The following CNTNAP2 variants were observed in gnomAD, a reference collection of about 807,000 sequenced individuals.
The protein encoded by CNTNAP2 is contactin-associated protein-like 2.
In CNTNAP2, 98 loss-of-function variants were observed where a neutral mutation model predicts 155.2. That is an observed-to-expected ratio of 0.63 (90% CI 0.54 to 0.75). The LOEUF (loss-of-function observed/expected upper bound fraction) is 0.75, where lower values mean the gene tolerates loss of function less well. Ranked by LOEUF, CNTNAP2 falls within the 30% of genes least tolerant of loss-of-function variation. The pLI is 0.00. For synonymous variants in CNTNAP2, 651 were observed against 631.2 expected (o/e 1.03, Z -0.47); for missense variants, 1,727 against 1,688.1 (o/e 1.02, Z -0.40).
intron 1 of CNTNAP2, among the ~76,000 whole-genome samples, chr7:146,727,025 G>C (rs750744844): frequency 5.9e-5 from 9 of 151,486 alleles, no homozygotes; most frequent in Non-Finnish European, 1.0e-4. Context: ...ATTGATTTTT[G>C]CTTTTTTTTC....
intron 9 of CNTNAP2, among the ~76,000 whole-genome samples, chr7:147,340,583 T>C (rs1018785340): frequency 7.2e-5 from 11 of 152,114 alleles, no homozygotes; most frequent in African/African-American, 2.4e-4. Context: ...CTTGGAGAAG[T>C]AGGAGCTCCT....
chr7:147,835,251 G>A (rs1057438535), intron 13 of CNTNAP2, among the ~76,000 whole-genome samples: 33 of 152,162 alleles, frequency 2.2e-4, no homozygotes, highest in Admixed American at 5.2e-4. Context: ...AGGACAAAAC[G>A]TCAGCATGGT....
At chr7:147,005,245 A>G (rs1400228241) in intron 3 of CNTNAP2, among the ~76,000 whole-genome samples, 2 of 152,070 alleles carry the variant, frequency 1.3e-5, no homozygotes, top group Non-Finnish European at 2.9e-5. Flanking sequence ...ATAACTTTAA[A>G]AAGGGAAATG....
At position 148,344,355 on chromosome 7, in the gene CNTNAP2, G is replaced by A. The variant is rs147324235; in HGVS notation, c.3476-39294G>A. Among the ~76,000 whole-genome samples the A allele has an allele frequency of 3.7e-3, 557 of 152,218 alleles. 1 individual carries two copies. Among genetic ancestry groups the A allele is most frequent in the Non-Finnish European group, 5.7e-3 (391 of 68,002 alleles). On this transcript the variant is annotated intron_variant, in intron 21 of 23. Transcript: ENST00000361727. ...TCGATTGATGAATTCATGTGTGTCC[G>A]GGTCTCTGGGGTACACTGTGTGCTC...
At chr7:148,027,989 G>A (rs1802403837) in intron 15 of CNTNAP2, among the ~76,000 whole-genome samples, 1 of 152,024 alleles carries the variant, frequency 6.6e-6, no homozygotes, top group African/African-American at 2.4e-5. Context: ...ATCAAATCGA[G>A]GCATGTAGAG....
At chr7:146,977,121 T>C (rs1357034934) in intron 3 of CNTNAP2, among the ~76,000 whole-genome samples, 1 of 151,988 alleles carries the variant, frequency 6.6e-6, no homozygotes, top group Admixed American at 6.6e-5. Flanking sequence ...AGAACATAAA[T>C]GAAAATACAT....
chr7:147,496,265 A>G (rs1798706563), intron 11 of CNTNAP2, among the ~76,000 whole-genome samples: 1 of 152,208 alleles, frequency 6.6e-6, no homozygotes, highest in South Asian at 2.1e-4. Context: ...CCATGAAACC[A>G]GTCTCTGGTG....
intron 1 of CNTNAP2, among the ~76,000 whole-genome samples, chr7:146,421,251 T>C (rs572809191): frequency 4.9e-4 from 74 of 152,154 alleles, no homozygotes; most frequent in Non-Finnish European, 9.1e-4. Flanking sequence ...GGTATTGACA[T>C]AGAATTAGAT....
At chr7:147,091,898 G>A (rs1455968548) in intron 4 of CNTNAP2, among the ~76,000 whole-genome samples, 1 of 150,740 alleles carries the variant, frequency 6.6e-6, no homozygotes, top group Non-Finnish European at 1.5e-5. Flanking sequence ...GAGCCACCGC[G>A]CCAGGCCATT....
rs563030564 is a variant in CNTNAP2, at chr7:146,194,768, AATGATTC to A, written c.97+77796_97+77802del. 2.0e-3 allele frequency among the ~76,000 whole-genome samples: 310 copies of A among 152,334 alleles called. 1 individual carries two copies. Among genetic ancestry groups the A allele is most frequent in the African/African-American group, 7.0e-3 (291 of 41,572 alleles). ...TGAAGTTCATGATATTTTATCCTTT[AATGATTC>A]TAAAATATGCTTGCAACCACAATCT... On this transcript the variant is annotated intron_variant, in intron 1 of 23. Coordinates refer to ENST00000361727, the MANE Select transcript of CNTNAP2 (RefSeq NM_014141.6).
intron 1 of CNTNAP2, among the ~76,000 whole-genome samples, chr7:146,525,109 C>T (rs144270553): frequency 9.3e-5 from 14 of 151,198 alleles, no homozygotes; most frequent in African/African-American, 1.5e-4. Context: ...GAAAAAAAAA[C>T]GGAATAAGTT....
At chr7:147,094,952 T>A (rs1800495668) in intron 4 of CNTNAP2, among the ~76,000 whole-genome samples, 1 of 152,140 alleles carries the variant, frequency 6.6e-6, no homozygotes, top group Admixed American at 6.5e-5. Flanking sequence ...GGGTCCACTT[T>A]CTGGTTCTTA....
At chr7:146,117,020 C>G (rs1050674953) in intron 1 of CNTNAP2, 47 bp downstream of exon 1, 11 of 1,490,228 alleles carry the variant, frequency 7.4e-6, no homozygotes, top group Admixed American at 3.9e-5. Context: ...TTCAGTGCGG[C>G]ATTGATGTTT....
At chr7:147,162,801 C>G (rs891299520) in intron 8 of CNTNAP2, among the ~76,000 whole-genome samples, 7 of 152,116 alleles carry the variant, frequency 4.6e-5, no homozygotes, top group Non-Finnish European at 7.4e-5. Flanking sequence ...AAAGAAGAGC[C>G]ACCCACTCTC....
chr7:147,972,913 T>C (rs1801358582), intron 14 of CNTNAP2, among the ~76,000 whole-genome samples: 1 of 152,046 alleles, frequency 6.6e-6, no homozygotes, highest in Non-Finnish European at 1.5e-5. Context: ...TTGTGGAGGC[T>C]AGGCACAGTG....
At chr7:146,446,799 C>T (rs1022858294) in intron 1 of CNTNAP2, among the ~76,000 whole-genome samples, 2 of 151,982 alleles carry the variant, frequency 1.3e-5, no homozygotes, top group Admixed American at 1.3e-4. Context: ...TGAGTCCTGC[C>T]CTACCTCAAC....
At chr7:146,479,951 A>T (rs1283918641) in intron 1 of CNTNAP2, among the ~76,000 whole-genome samples, 1 of 151,822 alleles carries the variant, frequency 6.6e-6, no homozygotes. Context: ...CGCCCGGCTA[A>T]TTTTCGTATT....
At position 147,885,663 on chromosome 7, in the gene CNTNAP2, T is replaced by A. The variant is rs142305660; in HGVS notation, c.2099-17902T>A. Reference sequence around the variant, plus strand: ...TTATATCACCTTAACCTCTTAAAGCTTGATCACCTGAAACATGAGTCTGCC... The same window carrying A: ...TTATATCACCTTAACCTCTTAAAGCATGATCACCTGAAACATGAGTCTGCC... On this transcript the variant is annotated intron_variant, in intron 13 of 23. Transcript: ENST00000361727. Among the ~76,000 whole-genome samples the A allele has an allele frequency of 7.0e-4, 106 of 152,292 alleles. 1 individual carries two copies. Among genetic ancestry groups the A allele is most frequent in the East Asian group, 7.0e-3 (36 of 5,178 alleles).
intron 1 of CNTNAP2, among the ~76,000 whole-genome samples, chr7:146,296,063 T>A (rs1161452441): frequency 1.3e-5 from 2 of 152,154 alleles, no homozygotes; most frequent in Non-Finnish European, 2.9e-5. Flanking sequence ...CACTAGATAC[T>A]GACCATTTGC....
Sources: allele counts gnomAD v4.1 joint callset (sites outside exome capture counted in the v4.1 genomes callset), GRCh38; gene constraint gnomAD v4.1.1; transcripts MANE v1.5; gene names NCBI Gene and HGNC (gene_info 2026-07-23, HGNC 2026-07-21).